Variants in AKAP13 observed in about 807,000 individuals in gnomAD.
The protein encoded by AKAP13 is A-kinase anchoring protein 13.
AKAP13 carries 80 observed loss-of-function variants against 264.5 expected under a neutral mutation model. That is an observed-to-expected ratio of 0.30 (90% CI 0.25 to 0.36). The LOEUF is 0.36. AKAP13 is among the 10% of genes least tolerant of loss of function. AKAP13 has a pLI of 1.00. For synonymous variants in AKAP13, 1,380 were observed against 1,250.2 expected, an observed-to-expected ratio of 1.10 and a Z score of -2.19; for missense variants, 3,712 against 3,435.2, an observed-to-expected ratio of 1.08 and a Z score of -2.01.
At chr15:85,546,740 T>A (rs936306349) in intron 5 of AKAP13, among the ~76,000 whole-genome samples, 1 of 151,896 alleles carries the variant, frequency 6.6e-6, no homozygotes, top group Non-Finnish European at 1.5e-5. Flanking sequence ...ATCTTTCTTT[T>A]TTTTTTTTTT....
At chr15:85,621,512 T>A (rs905074658) in intron 8 of AKAP13, 1 of 152,198 alleles carries the variant, frequency 6.6e-6, no homozygotes, top group African/African-American at 2.4e-5. Context: ...ACCCTATGAT[T>A]TTGCCTGCGG....
chr15:85,583,010 T>C, intron 7 of AKAP13: 1 of 985,484 alleles, frequency 1.0e-6, no homozygotes, highest in Non-Finnish European at 1.2e-6. Context: ...TAAAACTTCT[T>C]AACGGGGGTT....
intron 8 of AKAP13, among the ~76,000 whole-genome samples, chr15:85,618,547 A>T (rs1484460680): frequency 6.6e-6 from 1 of 151,214 alleles, no homozygotes; most frequent in Non-Finnish European, 1.5e-5. Flanking sequence ...CAAATCATTC[A>T]TGATCCAAGT....
intron 12 of AKAP13, among the ~76,000 whole-genome samples, chr15:85,661,125 G>A (rs1237496769): frequency 6.6e-6 from 1 of 152,088 alleles, no homozygotes; most frequent in Non-Finnish European, 1.5e-5. Flanking sequence ...TATGGCCCAG[G>A]TAGCAGGGTA....
intron 2 of AKAP13, among the ~76,000 whole-genome samples, chr15:85,516,832 G>A (rs1043526508): frequency 6.6e-6 from 1 of 152,212 alleles, no homozygotes; most frequent in Admixed American, 6.5e-5. Flanking sequence ...TGTGAGTTGT[G>A]AAGACACGCA....
intron 4 of AKAP13, among the ~76,000 whole-genome samples, chr15:85,537,924 A>G (rs556130126): frequency 3.9e-4 from 59 of 152,260 alleles, no homozygotes; most frequent in Non-Finnish European, 7.4e-4. Flanking sequence ...AAATCTTCCA[A>G]ATGTTCTCTC....
intron 2 of AKAP13, among the ~76,000 whole-genome samples, chr15:85,493,448 A>G (rs2075789625): frequency 6.6e-6 from 1 of 152,154 alleles, no homozygotes; most frequent in Non-Finnish European, 1.5e-5. Flanking sequence ...CCAACAGGGA[A>G]ATGAAGGTGA....
rs375383494 is a variant in AKAP13 at position 85,515,390 on chromosome 15, C to T, written c.34-6038C>T. On this transcript the variant is annotated intron_variant, in intron 2 of 36. Coordinates refer to ENST00000394518, the MANE Select transcript of AKAP13 (RefSeq NM_007200.5). ...AAATTGTAGGTCTCACGTCCCTTTA[C>T]TCCAAACGCTTTGTTGTGTGGTTTC... 1.4e-4 allele frequency among the ~76,000 whole-genome samples: 19 copies of T among 138,392 alleles called. 5 individuals are homozygous for T. Among genetic ancestry groups the T allele is most frequent in the African/African-American group, 5.2e-4 (18 of 34,444 alleles). 90.8% of individuals were successfully genotyped at this position (138,392 alleles called of 152,430 possible). A position where few individuals can be genotyped will look rare whatever the true frequency, so the allele number is the denominator to read the frequency against.
At chr15:85,744,201 C>G in intron 36 of AKAP13, 1 of 299,836 alleles carries the variant, frequency 3.3e-6, no homozygotes, top group Non-Finnish European at 6.3e-6. Flanking sequence ...GTTGGCACTG[C>G]TAACCCCAAG....
intron 2 of AKAP13, among the ~76,000 whole-genome samples, chr15:85,508,792 T>G (rs2076322834): frequency 6.6e-6 from 1 of 152,214 alleles, no homozygotes; most frequent in Admixed American, 6.5e-5. Flanking sequence ...CCTTTGCTAT[T>G]TTTTGAACAC....
chr15:85,634,210 T>G (rs977648542), intron 8 of AKAP13, among the ~76,000 whole-genome samples: 8 of 122,176 alleles, frequency 6.5e-5, no homozygotes, highest in African/African-American at 3.1e-4. Context: ...ATTCCTTTCA[T>G]TCATTTTATT....
chr15:85,604,034 A>G lies in AKAP13; in HGVS notation c.4161+18211A>G, dbSNP rs144701481. Among the ~76,000 whole-genome samples the G allele has an allele frequency of 6.3e-3, 966 of 152,292 alleles. 11 individuals carry two copies. The highest frequency in any genetic ancestry group is 0.022 in the African/African-American group (905 of 41,562). On this transcript the variant is annotated intron_variant, in intron 8 of 36. Coordinates refer to ENST00000394518, the MANE Select transcript of AKAP13 (RefSeq NM_007200.5). ...TGTCTGATGTGTGTTGAGTGTCTCA[A>G]AAGAAAAAGGGACACAGGAAGAACT...
Position 85,712,159 on chromosome 15 carries a change from A to G in AKAP13, c.5599+1514A>G, listed in dbSNP as rs149055830. Among the ~76,000 whole-genome samples the G allele has an allele frequency of 7.2e-4, 110 of 152,194 alleles. 2 individuals carry two copies. Among genetic ancestry groups the G allele is most frequent in the African/African-American group, 2.5e-3 (105 of 41,546 alleles). On this transcript the variant is annotated intron_variant, in intron 19 of 36. Transcript: ENST00000394518. Reference sequence around the variant, plus strand: ...TGGTCTGTGTTTTAATAGATCCTCCAGGTGATTCTGATGCCCACTCAAGCT... The same window carrying G: ...TGGTCTGTGTTTTAATAGATCCTCCGGGTGATTCTGATGCCCACTCAAGCT...
At chr15:85,527,841 G>A (rs576589799) in intron 3 of AKAP13, among the ~76,000 whole-genome samples, 1 of 152,242 alleles carries the variant, frequency 6.6e-6, no homozygotes, top group African/African-American at 2.4e-5. Flanking sequence ...ACTTCATAAG[G>A]AAGAAAAAGA....
At chr15:85,584,080 A>G (rs996544164) in intron 7 of AKAP13, among the ~76,000 whole-genome samples, 5 of 152,194 alleles carry the variant, frequency 3.3e-5, no homozygotes, top group Non-Finnish European at 7.4e-5. Flanking sequence ...CTTTAGAGAA[A>G]AAGCACCTGA....
chr15:85,587,115 A>G (rs1011523848), intron 8 of AKAP13, among the ~76,000 whole-genome samples: 3 of 152,214 alleles, frequency 2.0e-5, no homozygotes, highest in Non-Finnish European at 4.4e-5. Flanking sequence ...ATTTCAGAAC[A>G]TTATCACTCT....
intron 16 of AKAP13, among the ~76,000 whole-genome samples, chr15:85,688,076 A>G (rs529906816): frequency 6.6e-6 from 1 of 151,804 alleles, no homozygotes; most frequent in East Asian, 1.9e-4. Context: ...AAATAGGGGA[A>G]ATAGTAAAGC....
rs950750388 is a variant in AKAP13, at chr15:85,747,586, C to T, written c.*2909C>T. 1 of 152,650 alleles carries T rather than the reference C, an allele frequency of 6.6e-6. No homozygotes were observed. The highest frequency in any genetic ancestry group is 2.4e-5 in the African/African-American group (1 of 41,454). The allele number at this position is 152,650 out of a possible 1,614,324, so 9.5% of individuals were successfully genotyped here. On this transcript the variant is annotated 3_prime_UTR_variant, in exon 37 of 37. Transcript: ENST00000394518. ...AAGGAGACTGCGTCTTCTCTCAATT[C>T]CAGTCATCTCAGTCGTTGTCGTTAG...
At chr15:85,472,440 T>G (rs2074995981) in intron 1 of AKAP13, among the ~76,000 whole-genome samples, 1 of 152,130 alleles carries the variant, frequency 6.6e-6, no homozygotes, top group Non-Finnish European at 1.5e-5. Flanking sequence ...GATTTAGAAA[T>G]AAAACATTTA....
Sources: allele counts gnomAD v4.1 joint callset (sites outside exome capture counted in the v4.1 genomes callset), GRCh38; gene constraint gnomAD v4.1.1; transcripts MANE v1.5; gene names NCBI Gene and HGNC (gene_info 2026-07-23, HGNC 2026-07-21).